The following GATAD2A variants were observed in gnomAD, a reference collection of about 807,000 sequenced individuals.
GATAD2A encodes the protein GATA zinc finger domain containing 2A, also known as transcriptional repressor p66-alpha.
In GATAD2A, 12 loss-of-function variants were observed where a neutral mutation model predicts 68.5. The observed-to-expected ratio is 0.18, with a 90% CI of 0.11 to 0.28. GATAD2A has a LOEUF of 0.28. Among genes scored for constraint, GATAD2A ranks in the 10% least tolerant of loss-of-function variants. GATAD2A has a pLI of 1.00. For synonymous variants in GATAD2A, 410 were observed against 375.3 expected (o/e 1.09, Z -1.07); for missense variants, 755 against 868.5 (o/e 0.87, Z 1.64).
chr19:19,401,505 G>A (rs906659757), upstream of GATAD2A, among the ~76,000 whole-genome samples: 1 of 152,000 alleles, frequency 6.6e-6, no homozygotes, highest in South Asian at 2.1e-4. Context: ...GAGCCACTGC[G>A]CCCGGCTGAT....
intron 1 of GATAD2A, among the ~76,000 whole-genome samples, chr19:19,411,551 C>A (rs943973394): frequency 1.3e-5 from 2 of 152,216 alleles, no homozygotes; most frequent in Non-Finnish European, 2.9e-5. Context: ...TCCTCCTGGA[C>A]TTGCCTTTCA....
At chr19:19,502,582 T>C (rs2060608510) in intron 11 of GATAD2A, 56 bp downstream of exon 11, 5 of 1,360,572 alleles carry the variant, frequency 3.7e-6, no homozygotes, top group Non-Finnish European at 5.1e-6. Flanking sequence ...GGTTCACCCT[T>C]CCTTAACCGA....
At chr19:19,463,551 G>A (rs944584481) in intron 1 of GATAD2A, among the ~76,000 whole-genome samples, 1 of 152,184 alleles carries the variant, frequency 6.6e-6, no homozygotes. Context: ...AGCGGAGGCC[G>A]CACAGTTGGT....
chr19:19,449,353 G>T (rs1394689350), intron 1 of GATAD2A, among the ~76,000 whole-genome samples: 1 of 152,154 alleles, frequency 6.6e-6, no homozygotes, highest in East Asian at 1.9e-4. Context: ...GTTACATTAG[G>T]AATTTGCAGA....
At position 19,505,489 on chromosome 19, in the gene GATAD2A, C is replaced by T. The variant is rs777659955; in HGVS notation, c.*15C>T. 33 of 1,560,064 alleles carry T rather than the reference C, an allele frequency of 2.1e-5. No individual in the cohort carries two copies. The highest frequency in any genetic ancestry group is 7.0e-5 in the South Asian group (6 of 85,554). On this transcript the variant is annotated 3_prime_UTR_variant, in exon 12 of 12. Transcript: ENST00000683918. ...CGTGGAAATAGTGCGAGCCAGGCCCCGTGGAAGACGGGCTCCCTCCTCCCC... is the reference window on the plus strand; with the variant it reads ...CGTGGAAATAGTGCGAGCCAGGCCCTGTGGAAGACGGGCTCCCTCCTCCCC...
At chr19:19,496,503 C>T (rs2060158637) in intron 7 of GATAD2A, among the ~76,000 whole-genome samples, 1 of 152,224 alleles carries the variant, frequency 6.6e-6, no homozygotes, top group Non-Finnish European at 1.5e-5. Context: ...GTCTGCTTAC[C>T]AGCCCCATGG....
intron 1 of GATAD2A, among the ~76,000 whole-genome samples, chr19:19,448,280 G>C (rs2055970917): frequency 6.6e-6 from 1 of 152,232 alleles, no homozygotes; most frequent in South Asian, 2.1e-4. Flanking sequence ...TATGTCGTGT[G>C]TTCCTTGGGC....
chr19:19,461,900 T>C (rs2057460756), intron 1 of GATAD2A, among the ~76,000 whole-genome samples: 1 of 152,108 alleles, frequency 6.6e-6, no homozygotes, highest in Non-Finnish European at 1.5e-5. Flanking sequence ...GGGATCTGTC[T>C]GTGCAGGCAG....
chr19:19,464,391 G>A (rs991281266), intron 1 of GATAD2A, among the ~76,000 whole-genome samples: 5 of 152,310 alleles, frequency 3.3e-5, no homozygotes, highest in Non-Finnish European at 5.9e-5. Flanking sequence ...CTGTTGGGAC[G>A]TCGAGGCCGG....
chr19:19,447,413 A>G lies in GATAD2A; in HGVS notation c.-6-17927A>G, dbSNP rs944877787. 2.0e-5 allele frequency among the ~76,000 whole-genome samples: 3 copies of G among 152,188 alleles called. No individual in the cohort carries two copies. In the South Asian group the frequency reaches 6.2e-4, roughly 32 times the overall value. ...ATTATTAAGTATCATGTTTTACCAAAGAAGCACTGATACAGACCCCCCACT... is the reference window on the plus strand; with the variant it reads ...ATTATTAAGTATCATGTTTTACCAAGGAAGCACTGATACAGACCCCCCACT... On this transcript the variant is annotated intron_variant, in intron 1 of 11. Transcript: ENST00000683918.
At chr19:19,438,388 G>A (rs2054609300) in intron 1 of GATAD2A, among the ~76,000 whole-genome samples, 1 of 152,212 alleles carries the variant, frequency 6.6e-6, no homozygotes, top group African/African-American at 2.4e-5. Flanking sequence ...ACTGCCAGGT[G>A]TGGGCCACTG....
intron 1 of GATAD2A, among the ~76,000 whole-genome samples, chr19:19,420,371 A>C (rs1461520534): frequency 1.6e-5 from 2 of 125,194 alleles, no homozygotes. Flanking sequence ...TCGCTCTGTC[A>C]CCCAGGCTGG....
chr19:19,452,601 G>T (rs1014649802), intron 1 of GATAD2A, among the ~76,000 whole-genome samples: 2 of 151,814 alleles, frequency 1.3e-5, no homozygotes, highest in African/African-American at 2.4e-5. Flanking sequence ...GTGAAGTGAC[G>T]TGCAGAATTG....
intron 1 of GATAD2A, among the ~76,000 whole-genome samples, chr19:19,391,377 A>G (rs973575166): frequency 6.6e-6 from 1 of 152,168 alleles, no homozygotes; most frequent in African/African-American, 2.4e-5. Context: ...ATATAGACAC[A>G]CACTGACTTT....
intron 2 of GATAD2A, among the ~76,000 whole-genome samples, chr19:19,478,581 G>A (rs1162758690): frequency 6.6e-6 from 1 of 151,524 alleles, no homozygotes; most frequent in African/African-American, 2.4e-5. Flanking sequence ...GCGACAGAGT[G>A]AGACTCTGTC....
chr19:19,432,717 G>A (rs1333822502), intron 1 of GATAD2A, among the ~76,000 whole-genome samples: 1 of 152,232 alleles, frequency 6.6e-6, no homozygotes, highest in African/African-American at 2.4e-5. Context: ...TCAAAGTGGG[G>A]AGGGTCCTAG....
At chr19:19,479,000 T>A (rs959729721) in intron 2 of GATAD2A, among the ~76,000 whole-genome samples, 3 of 152,168 alleles carry the variant, frequency 2.0e-5, no homozygotes, top group African/African-American at 7.2e-5. Context: ...TTGCGTTCTT[T>A]GTGAGGGTTT....
intron 2 of GATAD2A, among the ~76,000 whole-genome samples, chr19:19,487,412 G>A (rs2148332865): frequency 6.6e-6 from 1 of 152,082 alleles, no homozygotes; most frequent in East Asian, 1.9e-4. Context: ...AAGGCAGGGG[G>A]AGGGAGGGCT....
chr19:19,408,709 G>T (rs2965189), intron 1 of GATAD2A, among the ~76,000 whole-genome samples: 66,022 of 152,002 alleles, frequency 0.43, 15,708 homozygotes, highest in African/African-American at 0.63. Flanking sequence ...TCGACACTGC[G>T]AGGAATCCCT....
Sources: allele counts gnomAD v4.1 joint callset (sites outside exome capture counted in the v4.1 genomes callset), GRCh38; gene constraint gnomAD v4.1.1; transcripts MANE v1.5; gene names NCBI Gene and HGNC (gene_info 2026-07-23, HGNC 2026-07-21).